DOCK5: variants seen among roughly 807,000 people sequenced by gnomAD.
DOCK5 encodes the protein dedicator of cytokinesis protein 5.
In DOCK5, 142 loss-of-function variants were observed where a neutral mutation model predicts 251.8. The observed-to-expected ratio is 0.56, with a 90% CI of 0.49 to 0.65. The LOEUF (loss-of-function observed/expected upper bound fraction) is 0.65, where lower values mean the gene tolerates loss of function less well. DOCK5 is among the 30% of genes least tolerant of loss of function. DOCK5 has a pLI of 0.00. For missense variants in DOCK5, 2,111 were observed against 2,312.3 expected (o/e 0.91, Z 1.79); for synonymous variants, 842 against 835.5 (o/e 1.01, Z -0.13).
intron 38 of DOCK5, among the ~76,000 whole-genome samples, chr8:25,378,869 G>C (rs1396912182): frequency 1.3e-5 from 2 of 152,198 alleles, no homozygotes; most frequent in Non-Finnish European, 2.9e-5. Flanking sequence ...GATAAATAAA[G>C]AGAAAGAGTA....
At position 25,346,838 on chromosome 8, in the gene DOCK5, AG is replaced by A. The variant is rs1800378020; in HGVS notation, c.2754+1228del. On this transcript the variant is annotated intron_variant, in intron 26 of 51. Coordinates refer to ENST00000276440, the MANE Select transcript of DOCK5 (RefSeq NM_024940.8). ...GACTCCAACTCCAAAAAAAAAAAAA[AG>A]AAAACATAGGGCTGAACCTGTCTGG... is the stretch of plus-strand genomic sequence containing the variant. 1.5e-4 allele frequency among the ~76,000 whole-genome samples: 22 copies of A among 149,674 alleles called. 2 individuals are homozygous for A. In the South Asian group the frequency reaches 4.5e-3, roughly 30 times the overall value.
intron 3 of DOCK5, 49 bp downstream of exon 3, chr8:25,268,934 G>T: frequency 6.8e-7 from 1 of 1,472,378 alleles, no homozygotes; most frequent in Non-Finnish European, 9.2e-7. Flanking sequence ...CTGTCTGCTA[G>T]TTTTGTATTG....
intron 2 of DOCK5, among the ~76,000 whole-genome samples, chr8:25,250,583 A>G (rs1309480882): frequency 2.0e-5 from 3 of 152,206 alleles, no homozygotes; most frequent in South Asian, 2.1e-4. Flanking sequence ...TTCATTCAAC[A>G]TTATTTGCTG....
chr8:25,314,204 G>A (rs73560448), intron 13 of DOCK5, among the ~76,000 whole-genome samples: 1 of 146,396 alleles, frequency 6.8e-6, no homozygotes, highest in Non-Finnish European at 1.5e-5. Flanking sequence ...CTCGATCTCC[G>A]AGGCTCAAGC....
chr8:25,217,105 T>C (rs1802267822), intron 1 of DOCK5, among the ~76,000 whole-genome samples: 1 of 148,948 alleles, frequency 6.7e-6, no homozygotes. Flanking sequence ...TATACACATA[T>C]ATACGTATAT....
rs777940001 is a variant in DOCK5 at position 25,308,847 on chromosome 8, G to A, written c.1114G>A (p.Val372Met). 2.4e-5 allele frequency: 38 copies of A among 1,613,772 alleles called. No homozygotes were observed. In the Middle Eastern group the frequency reaches 4.9e-4, roughly 21 times the overall value. Residue 372 changes from valine to methionine, a missense_variant, in exon 12 of 52, where the codon GTG (valine) becomes ATG (methionine). By Grantham distance (21) the Val-to-Met change is conservative. This residue lies in a region of DOCK5 where 1,717 missense variants were observed against 1,892.4 expected (regional missense o/e 0.91). Coordinates refer to ENST00000276440, the MANE Select transcript of DOCK5 (RefSeq NM_024940.8). ...CATGTCGCCTTTGATAACATCACACGTGATTGGGGAGAATGAGCCACTCAC... is the reference window on the plus strand; with the variant it reads ...CATGTCGCCTTTGATAACATCACACATGATTGGGGAGAATGAGCCACTCAC... ...LIMSPLITSH[V>M]IGENEPLTSV...
intron 21 of DOCK5, among the ~76,000 whole-genome samples, chr8:25,334,911 A>G (rs1805765825): frequency 6.6e-6 from 1 of 152,206 alleles, no homozygotes; most frequent in Non-Finnish European, 1.5e-5. Context: ...CTTACAGGAT[A>G]TGAGAAGATT....
chr8:25,235,283 G>A (rs1480558418), intron 1 of DOCK5, among the ~76,000 whole-genome samples: 1 of 152,110 alleles, frequency 6.6e-6, no homozygotes, highest in East Asian at 1.9e-4. Flanking sequence ...CCTACGTAGT[G>A]CAGTGGTACA....
At chr8:25,248,991 T>C (rs1465335963) in intron 2 of DOCK5, among the ~76,000 whole-genome samples, 1 of 152,168 alleles carries the variant, frequency 6.6e-6, no homozygotes, top group Non-Finnish European at 1.5e-5. Context: ...CTGAAGTTTT[T>C]GTTTTTATTT....
intron 40 of DOCK5, among the ~76,000 whole-genome samples, chr8:25,384,431 T>TTTA (rs1554504633): frequency 1.4e-4 from 18 of 132,772 alleles, no homozygotes; most frequent in South Asian, 1.0e-3. Flanking sequence ...AATATTATTA[T>TTTA]TTTATTTATT....
At chr8:25,189,042 C>CTTT (rs1432735816) in intron 1 of DOCK5, among the ~76,000 whole-genome samples, 11 of 97,622 alleles carry the variant, frequency 1.1e-4, no homozygotes, top group African/African-American at 1.4e-4. Context: ...TTCTTTCTTT[C>CTTT]TTTCTTTTTT....
intron 26 of DOCK5, among the ~76,000 whole-genome samples, chr8:25,348,972 C>G (rs970707337): frequency 6.6e-6 from 1 of 152,128 alleles, no homozygotes; most frequent in Non-Finnish European, 1.5e-5. Flanking sequence ...CTATTTAGGG[C>G]CACACTAAGG....
chr8:25,341,854 A>ATTTTTTAAT, intron 24 of DOCK5, 45 bp downstream of exon 24: 1 of 1,481,806 alleles, frequency 6.7e-7, no homozygotes, highest in Non-Finnish European at 9.2e-7. Flanking sequence ...TAACAGAAAC[A>ATTTTTTAAT]GCTCCCCTGC....
At chr8:25,377,485 C>T (rs1215048017) in intron 38 of DOCK5, 61 bp downstream of exon 38, 3 of 1,551,424 alleles carry the variant, frequency 1.9e-6, no homozygotes, top group African/African-American at 1.4e-5. Context: ...TATCGCAATA[C>T]AATTCTGATG....
intron 1 of DOCK5, among the ~76,000 whole-genome samples, chr8:25,187,500 G>C (rs1173863461): frequency 6.6e-6 from 1 of 151,168 alleles, no homozygotes; most frequent in Non-Finnish European, 1.5e-5. Context: ...GGTTTGTCTG[G>C]GTTTGACAAA....
chr8:25,345,725 G>T, intron 26 of DOCK5, 114 bp downstream of exon 26: 1 of 1,423,684 alleles, frequency 7.0e-7, no homozygotes, highest in South Asian at 1.3e-5. Flanking sequence ...CGGTATTAGG[G>T]CAGGCTGTGC....
At position 25,243,760 on chromosome 8, in the gene DOCK5, A is replaced by G. The variant is rs1481237745; in HGVS notation, c.127+3A>G. 6.2e-7 allele frequency: 1 copy of G among 1,613,410 alleles called. No individual in the cohort carries two copies. Among genetic ancestry groups the G allele is most frequent in the South Asian group, 1.1e-5 (1 of 90,988 alleles). ...TCACATCCTGGAGATGTACGAGGGT[A>G]AGTCTGGCTGGCCTTCTGCCAGATG... On this transcript the variant is annotated splice_donor_region_variant and intron_variant, in intron 2 of 51. Coordinates refer to ENST00000276440, the MANE Select transcript of DOCK5 (RefSeq NM_024940.8).
At chr8:25,405,778 T>G (rs61490611) in intron 48 of DOCK5, among the ~76,000 whole-genome samples, 34,872 of 151,888 alleles carry the variant, frequency 0.23, 4,534 homozygotes, top group East Asian at 0.55. Flanking sequence ...ATGTTCAAAT[T>G]TAAAATATTT....
intron 37 of DOCK5, chr8:25,375,892 G>C: frequency 1.1e-5 from 10 of 877,518 alleles, no homozygotes; most frequent in Non-Finnish European, 1.4e-5. Context: ...GGGGTCAGGA[G>C]TTCAAGACCA....
Sources: gnomAD v4.1 joint callset for allele counts (sites outside exome capture counted in the v4.1 genomes callset) on GRCh38, gnomAD v4.1.1 for gene constraint, gnomAD v4.1.1 regional missense constraint, MANE v1.5 for transcripts, NCBI Gene and HGNC (gene_info 2026-07-23, HGNC 2026-07-21) for gene names.